Variants in NSUN6 observed in about 807,000 individuals in gnomAD.
The protein encoded by NSUN6 is NOP2/Sun RNA methyltransferase 6, also known as tRNA (cytosine(72)-C(5))-methyltransferase NSUN6.
In NSUN6, 64 loss-of-function variants were observed where a neutral mutation model predicts 58.0. That is an observed-to-expected ratio of 1.10 (90% CI 0.90 to 1.36). The LOEUF (loss-of-function observed/expected upper bound fraction) is 1.36, where lower values mean the gene tolerates loss of function less well. Ranked by LOEUF, NSUN6 falls within the 40% of genes most tolerant of loss-of-function variation. The pLI, the probability that NSUN6 is intolerant of heterozygous loss-of-function variation, is 0.00. For synonymous variants in NSUN6, 231 were observed against 193.9 expected (o/e 1.19, Z -1.59); for missense variants, 701 against 550.1 (o/e 1.27, Z -2.74).
intron 7 of NSUN6, among the ~76,000 whole-genome samples, chr10:18,594,019 G>T (rs762367426): frequency 6.6e-5 from 10 of 151,938 alleles, no homozygotes; most frequent in Non-Finnish European, 1.2e-4. Flanking sequence ...GGCCAACATG[G>T]TGAAACCCCA....
chr10:18,582,506 C>T (rs918620119), intron 8 of NSUN6, among the ~76,000 whole-genome samples: 1 of 152,150 alleles, frequency 6.6e-6, no homozygotes, highest in East Asian at 1.9e-4. Flanking sequence ...ATGAGAGAAT[C>T]AAGGTATGAG....
chr10:18,650,757 A>C (rs1346432075), intron 1 of NSUN6, among the ~76,000 whole-genome samples: 1 of 152,266 alleles, frequency 6.6e-6, no homozygotes, highest in East Asian at 1.9e-4. Context: ...GGCATTTAAG[A>C]GGCACTCAAC....
At chr10:18,642,441 G>C in intron 3 of NSUN6, 35 bp downstream of exon 3, 1 of 1,024,026 alleles carries the variant, frequency 9.8e-7, no homozygotes, top group Non-Finnish European at 1.5e-6. Context: ...CTTTTATTGA[G>C]AATAATATAA....
At chr10:18,622,759 G>A (rs1228648713) in intron 3 of NSUN6, among the ~76,000 whole-genome samples, 1 of 152,152 alleles carries the variant, frequency 6.6e-6, no homozygotes, top group Non-Finnish European at 1.5e-5. Flanking sequence ...GACAAATCCA[G>A]TCTCATTTGG....
intron 3 of NSUN6, among the ~76,000 whole-genome samples, chr10:18,633,880 C>G (rs1444283892): frequency 1.3e-5 from 2 of 152,182 alleles, no homozygotes; most frequent in Non-Finnish European, 2.9e-5. Context: ...TCCCCGCCCC[C>G]TGGAAAAAAG....
At chr10:18,628,501 C>G (rs1265511005) in intron 3 of NSUN6, among the ~76,000 whole-genome samples, 2 of 152,056 alleles carry the variant, frequency 1.3e-5, no homozygotes, top group Admixed American at 6.5e-5. Flanking sequence ...AAGTTGAAAA[C>G]TTTGAAAAAA....
At chr10:18,628,272 G>A (rs1037406053) in intron 3 of NSUN6, among the ~76,000 whole-genome samples, 4 of 152,084 alleles carry the variant, frequency 2.6e-5, no homozygotes, top group Admixed American at 2.6e-4. Flanking sequence ...CATCATCAAA[G>A]ACCAAAAGTA....
chr10:18,589,496 G>C (rs1027975625), intron 7 of NSUN6, among the ~76,000 whole-genome samples: 1 of 152,028 alleles, frequency 6.6e-6, no homozygotes, highest in African/African-American at 2.4e-5. Flanking sequence ...AAAGGTTAAG[G>C]GCAGCCAGAA....
chr10:18,608,672 G>C (rs1022058543), intron 6 of NSUN6, among the ~76,000 whole-genome samples: 3 of 148,576 alleles, frequency 2.0e-5, no homozygotes, highest in Non-Finnish European at 4.5e-5. Context: ...TAAATTATGA[G>C]ATGAGCAGGT....
At chr10:18,553,927 C>A (rs62648403) in intron 8 of NSUN6, among the ~76,000 whole-genome samples, 2 of 133,176 alleles carry the variant, frequency 1.5e-5, no homozygotes, top group African/African-American at 2.8e-5. Flanking sequence ...GAATGGAGAA[C>A]GGTATGGAAT....
intron 3 of NSUN6, among the ~76,000 whole-genome samples, chr10:18,638,962 A>AC (rs917207247): frequency 4.6e-5 from 7 of 150,628 alleles, no homozygotes; most frequent in Non-Finnish European, 7.4e-5. Flanking sequence ...AAAAAAAAAA[A>AC]AAAAAAAACT....
chr10:18,624,198 A>G (rs147814527), intron 3 of NSUN6, among the ~76,000 whole-genome samples: 1 of 152,044 alleles, frequency 6.6e-6, no homozygotes, highest in Non-Finnish European at 1.5e-5. Flanking sequence ...AAAATAAAGG[A>G]CAATAAAACT....
chr10:18,572,679 C>G (rs779157534), intron 8 of NSUN6, among the ~76,000 whole-genome samples: 1 of 147,442 alleles, frequency 6.8e-6, no homozygotes, highest in African/African-American at 2.5e-5. Flanking sequence ...TCTCCATTCT[C>G]TTCCATTCTC....
Position 18,545,868 on chromosome 10 carries a change from T to TAAAAGAAAA in NSUN6, c.*64_*65insTTTTCTTTT. The stretch of plus-strand genomic sequence containing the variant: ...TCAGTTGGCCTGACAACACTTTGGT[T>TAAAAGAAAA]AAAAAAAAAAAAACCACAGACAGCA... On this transcript the variant is annotated 3_prime_UTR_variant, in exon 11 of 11. Coordinates refer to ENST00000377304, the MANE Select transcript of NSUN6 (RefSeq NM_182543.5). 1.4e-6 allele frequency: 1 copy of TAAAAGAAAA among 732,152 alleles called. No individual in the cohort carries two copies. The highest frequency in any genetic ancestry group is 1.7e-5 in the South Asian group (1 of 58,540). The allele number at this position is 732,152 out of a possible 1,614,324, so 45.4% of individuals were successfully genotyped here. A position where few individuals can be genotyped will look rare whatever the true frequency, so the allele number is the denominator to read the frequency against.
intron 5 of NSUN6, among the ~76,000 whole-genome samples, chr10:18,613,670 G>A (rs749564806): frequency 2.0e-5 from 3 of 152,110 alleles, no homozygotes; most frequent in Non-Finnish European, 4.4e-5. Context: ...TGGCCATTTG[G>A]AAAGTGCTGC....
At chr10:18,600,708 C>T (rs1402870018) in intron 6 of NSUN6, among the ~76,000 whole-genome samples, 1 of 151,270 alleles carries the variant, frequency 6.6e-6, no homozygotes, top group Non-Finnish European at 1.5e-5. Context: ...CAGGTGGATC[C>T]CCTGAGGTCA....
chr10:18,613,549 G>C (rs550650837), intron 5 of NSUN6, among the ~76,000 whole-genome samples: 1 of 152,236 alleles, frequency 6.6e-6, no homozygotes, highest in Admixed American at 6.5e-5. Flanking sequence ...AACTAATGGA[G>C]GCAGTCAAAA....
At chr10:18,625,329 A>G (rs1164881080) in intron 3 of NSUN6, among the ~76,000 whole-genome samples, 1 of 152,230 alleles carries the variant, frequency 6.6e-6, no homozygotes, top group Admixed American at 6.5e-5. Flanking sequence ...TCTTTATAAA[A>G]GAGAATACAG....
upstream of NSUN6, chr10:18,654,749 A>G (rs1335135702): frequency 1.3e-5 from 2 of 152,176 alleles, no homozygotes; most frequent in African/African-American, 4.8e-5. Context: ...GCGTGATGGC[A>G]CGTGCCTGTA....
Sources: allele counts gnomAD v4.1 joint callset (sites outside exome capture counted in the v4.1 genomes callset), GRCh38; gene constraint gnomAD v4.1.1; transcripts MANE v1.5; gene names NCBI Gene and HGNC (gene_info 2026-07-23, HGNC 2026-07-21).